The following PDE2A variants were observed in gnomAD, a reference collection of about 807,000 sequenced individuals.
PDE2A encodes the protein cGMP-dependent 3',5'-cyclic phosphodiesterase.
A neutral mutation model predicts 133.6 loss-of-function variants in PDE2A; 53 were observed. The observed-to-expected ratio is 0.40, with a 90% CI of 0.32 to 0.50. PDE2A has a LOEUF of 0.50. Ranked by LOEUF, PDE2A falls within the 20% of genes least tolerant of loss-of-function variation. The probability of loss-of-function intolerance (pLI) is 0.73; values close to 1 mark genes in which losing one functional copy is unlikely to be tolerated. For synonymous variants in PDE2A, 491 were observed against 490.2 expected, an observed-to-expected ratio of 1.00 and a Z score of -0.02; for missense variants, 796 against 1,232.4, an observed-to-expected ratio of 0.65 and a Z score of 5.30.
At chr11:72,634,843 A>G (rs1401144542) in intron 2 of PDE2A, among the ~76,000 whole-genome samples, 3 of 152,162 alleles carry the variant, frequency 2.0e-5, no homozygotes, top group African/African-American at 7.2e-5. Flanking sequence ...GCCTATACTG[A>G]GAGGGTGCTG....
intron 2 of PDE2A, among the ~76,000 whole-genome samples, chr11:72,634,173 G>C (rs1858562536): frequency 6.6e-6 from 1 of 152,152 alleles, no homozygotes; most frequent in South Asian, 2.1e-4. Flanking sequence ...GGGGCAGCAG[G>C]AGGAAGCGGG....
In PDE2A at chr11:72,578,811, G is replaced by A; in HGVS notation, c.2469+86C>T. The A allele has an allele frequency of 1.2e-6, 1 of 809,812 alleles. No individual in the cohort carries two copies. The highest frequency in any genetic ancestry group is 2.1e-6 in the Non-Finnish European group (1 of 467,128). The allele number at this position is 809,812 out of a possible 1,614,324, so 50.2% of individuals were successfully genotyped here. On this transcript the variant is annotated intron_variant, in intron 28 of 30. Transcript: ENST00000334456. This position sits in a 1 kb window ranked among gnomAD's most constrained non-coding sequence, Gnocchi z 4.2. Reference sequence around the variant, plus strand: ...CCAGAACACAGCCAGGCTGAGCTGAGCAGAGAGAGGGTATTCAGGCACAGG... The same window carrying A: ...CCAGAACACAGCCAGGCTGAGCTGAACAGAGAGAGGGTATTCAGGCACAGG...
Position 72,625,203 on chromosome 11 carries a change from C to A in PDE2A, c.145-16452G>T, listed in dbSNP as rs116675277. Among the ~76,000 whole-genome samples the A allele has an allele frequency of 8.5e-3, 1,296 of 152,326 alleles. 16 individuals are homozygous for A. Among genetic ancestry groups the A allele is most frequent in the African/African-American group, 0.03 (1,242 of 41,554 alleles). On this transcript the variant is annotated intron_variant, in intron 2 of 30. Coordinates refer to ENST00000334456, the MANE Select transcript of PDE2A (RefSeq NM_002599.5). ...CCTCTGCCTCCCCACTCCAACATTC[C>A]GGCTGGATCCATGGGACTTTCCATC...
At chr11:72,611,355 T>C (rs1191678039) in intron 2 of PDE2A, among the ~76,000 whole-genome samples, 1 of 152,176 alleles carries the variant, frequency 6.6e-6, no homozygotes, top group Non-Finnish European at 1.5e-5. Context: ...TAGCCCTGTC[T>C]GGTTCCTGCT....
chr11:72,586,082 C>T lies in PDE2A; in HGVS notation c.1170G>A (p.Lys390=). Residue 390 remains lysine (K), a synonymous_variant, in exon 14 of 31, where the codon AAG becomes AAA. Transcript: ENST00000334456. ...GCAGGTCACTCACCTGGCACTCACA[C>T]TTGAGTTTCTGTTCCTTCTGGAAGG... ...TLAFQKEQKL[K]CECQALLQVA... 1 of 1,604,322 alleles carries T rather than the reference C, an allele frequency of 6.2e-7. No individual in the cohort carries two copies. The highest frequency in any genetic ancestry group is 8.5e-7 in the Non-Finnish European group (1 of 1,172,828).
At position 72,642,578 on chromosome 11, in the gene PDE2A, C is replaced by T. The variant is rs200668914; in HGVS notation, c.72-252G>A. 1.7e-3 allele frequency: 326 copies of T among 192,524 alleles called. 1 individual carries two copies. The highest frequency in any genetic ancestry group is 2.6e-3 in the Non-Finnish European group (274 of 104,568). 11.9% of individuals were successfully genotyped at this position (192,524 alleles called of 1,614,324 possible). A position where few individuals can be genotyped will look rare whatever the true frequency, so the allele number is the denominator to read the frequency against. On this transcript the variant is annotated intron_variant, in intron 1 of 30. Transcript: ENST00000334456. ...GGCCCGTCGGATCCTCCGACCCCAC[C>T]GGACACCCGGCCGCTGTCACCCCGC...
At chr11:72,586,327 A>AC in intron 13 of PDE2A, 146 bp from the exon 14 acceptor site, 1 of 622,312 alleles carries the variant, frequency 1.6e-6, no homozygotes, top group South Asian at 1.9e-5. Context: ...ACAGCTTCCC[A>AC]CCCCCATGAC....
In PDE2A at chr11:72,636,124, C is replaced by T. The variant is rs367708847; in HGVS notation, c.144+6130G>A. 36 of 1,218,688 alleles carry T rather than the reference C, an allele frequency of 3.0e-5. No individual in the cohort carries two copies. The East Asian group carries it at 1.8e-3, about 62-fold the overall frequency. The allele number at this position is 1,218,688 out of a possible 1,614,324, so 75.5% of individuals were successfully genotyped here. On this transcript the variant is annotated intron_variant, in intron 2 of 30. Coordinates refer to ENST00000334456, the MANE Select transcript of PDE2A (RefSeq NM_002599.5). ...AATGCCTGCCCCCTGAAGCCACCAG[C>T]CAGAGTACAGGCTCTGCAGAGGAGG...
intron 2 of PDE2A, among the ~76,000 whole-genome samples, chr11:72,626,164 T>C (rs1858053727): frequency 6.6e-6 from 1 of 152,220 alleles, no homozygotes; most frequent in Non-Finnish European, 1.5e-5. Flanking sequence ...AAGTCCCCGG[T>C]GCTTTATGCC....
chr11:72,613,816 C>T (rs533025268), intron 2 of PDE2A, among the ~76,000 whole-genome samples: 3 of 152,242 alleles, frequency 2.0e-5, no homozygotes, highest in Non-Finnish European at 2.9e-5. Context: ...GTGTCATCTA[C>T]GCCTCTTTTG....
chr11:72,604,624 C>T (rs1051097528), intron 4 of PDE2A, among the ~76,000 whole-genome samples: 5 of 152,174 alleles, frequency 3.3e-5, no homozygotes, highest in African/African-American at 1.2e-4. Flanking sequence ...GTGTCATTTG[C>T]CCAAGGTTAC....
In PDE2A at chr11:72,590,073, G is replaced by A. The variant is rs571440362; in HGVS notation, c.757-92C>T. On this transcript the variant is annotated intron_variant, in intron 9 of 30. Coordinates refer to ENST00000334456, the MANE Select transcript of PDE2A (RefSeq NM_002599.5). This position sits in a 1 kb window ranked among gnomAD's most constrained non-coding sequence, Gnocchi z 4.8. ...CCCCTCTCCGGGGCTCTTCAGGCGG[G>A]TGGAGGAGAGAGGAAGGAAGGACAT... 1.1e-5 allele frequency: 16 copies of A among 1,411,096 alleles called. No homozygotes were observed. The highest frequency in any genetic ancestry group is 1.5e-5 in the Non-Finnish European group (15 of 1,024,608). 87.4% of individuals were successfully genotyped at this position (1,411,096 alleles called of 1,614,324 possible).
At chr11:72,666,490 A>G (rs1034755493) in intron 1 of PDE2A, among the ~76,000 whole-genome samples, 1 of 152,076 alleles carries the variant, frequency 6.6e-6, no homozygotes. Context: ...CTGAACACAA[A>G]GCCTGACTCT....
chr11:72,667,330 C>T (rs773197912), intron 1 of PDE2A, among the ~76,000 whole-genome samples: 3 of 152,192 alleles, frequency 2.0e-5, no homozygotes, highest in Non-Finnish European at 4.4e-5. Flanking sequence ...CAGACCCCAA[C>T]TGCAATGTCA....
chr11:72,579,632 G>GCCCATCTGC, intron 25 of PDE2A, 24 bp from the exon 26 acceptor site: 1 of 1,564,086 alleles, frequency 6.4e-7, no homozygotes, highest in Non-Finnish European at 8.8e-7. Flanking sequence ...AGTGATGGGG[G>GCCCATCTGC]CCCAGCTGGG....
chr11:72,616,562 G>C (rs1418027797), intron 2 of PDE2A, among the ~76,000 whole-genome samples: 1 of 152,232 alleles, frequency 6.6e-6, no homozygotes, highest in East Asian at 1.9e-4. Context: ...CCATCAGGGA[G>C]AAGAGGGGTG....
chr11:72,654,934 G>A (rs145711103), intron 1 of PDE2A, among the ~76,000 whole-genome samples: 1,977 of 141,194 alleles, frequency 0.014, 46 homozygotes, highest in African/African-American at 0.047. Flanking sequence ...GCACCCACCC[G>A]AGACCTGCCT....
intron 23 of PDE2A, 135 bp downstream of exon 23, chr11:72,581,222 C>T: frequency 1.1e-6 from 1 of 898,602 alleles, no homozygotes; most frequent in South Asian, 1.6e-5. Flanking sequence ...TCACAGCCTT[C>T]CCCTCTAGTC....
At chr11:72,644,479 A>C (rs531021613) in intron 1 of PDE2A, among the ~76,000 whole-genome samples, 8 of 152,342 alleles carry the variant, frequency 5.3e-5, no homozygotes, top group Non-Finnish European at 8.8e-5. Context: ...AGCTCAGTGC[A>C]CAAGTCTCTT....
Sources: gnomAD v4.1 joint callset for allele counts (sites outside exome capture counted in the v4.1 genomes callset) on GRCh38, gnomAD v4.1.1 for gene constraint, Gnocchi (gnomAD v3.1) non-coding constraint, MANE v1.5 for transcripts, NCBI Gene and HGNC (gene_info 2026-07-23, HGNC 2026-07-21) for gene names.